Variants in SHMT2 observed in about 807,000 individuals in gnomAD.
The protein encoded by SHMT2 is serine hydroxymethyltransferase 2, also known as serine hydroxymethyltransferase, mitochondrial.
A neutral mutation model predicts 59.6 loss-of-function variants in SHMT2; 38 were observed. The ratio of observed to expected loss-of-function variants is 0.64; its 90% confidence interval spans 0.49 to 0.84. The LOEUF (loss-of-function observed/expected upper bound fraction) is 0.84, where lower values mean the gene tolerates loss of function less well. Among genes scored for constraint, SHMT2 ranks in the 40% least tolerant of loss-of-function variants. The probability of loss-of-function intolerance (pLI) is 0.00; values close to 1 mark genes in which losing one functional copy is unlikely to be tolerated. For missense variants in SHMT2, 533 were observed against 659.5 expected, an observed-to-expected ratio of 0.81 and a Z score of 2.10; for synonymous variants, 254 against 258.1, an observed-to-expected ratio of 0.98 and a Z score of 0.15.
chr12:57,232,593 G>A lies in SHMT2; in HGVS notation c.717+18G>A, dbSNP rs1239036230. ...TGAGAGAGGTTGGTGGGGGGGGCTG[G>A]AGACTGGGCACCTCCCCAGGGGGTG... On this transcript the variant is annotated intron_variant, in intron 6 of 11. Coordinates refer to ENST00000328923, the MANE Select transcript of SHMT2 (RefSeq NM_005412.6). The A allele has an allele frequency of 3.1e-6, 5 of 1,613,888 alleles. No individual in the cohort carries two copies. The Admixed American group carries it at 6.7e-5, about 22-fold the overall frequency.
At chr12:57,231,038 T>C (rs1441191089) in intron 2 of SHMT2, 38 bp downstream of exon 2, 7 of 1,591,754 alleles carry the variant, frequency 4.4e-6, no homozygotes, top group East Asian at 4.5e-5. Context: ...TGGGCCACCA[T>C]GGGTACAGGA....
At chr12:57,231,428 G>A (rs1273965967) in intron 2 of SHMT2, 53 bp from the exon 3 acceptor site, 2 of 1,569,316 alleles carry the variant, frequency 1.3e-6, no homozygotes, top group Non-Finnish European at 1.7e-6. Flanking sequence ...GGGACTGTGG[G>A]AGTCCAGGGG....
chr12:57,234,036 A>G lies in SHMT2; in HGVS notation c.1313A>G (p.Glu438Gly). Residue 438 changes from glutamate (E) to glycine (G), a missense_variant, in exon 11 of 12, where the codon GAG (glutamate) becomes GGG (glycine). Glu to Gly is a moderately conservative substitution (Grantham distance 98, BLOSUM62 -2). Transcript: ENST00000328923. ...APALTSRQFR[E>G]DDFRRVVDFI... is the part of the protein sequence containing the mutation. ...GCCTTAACTTCTCGACAGTTCCGTG[A>G]GGATGACTTCCGGAGAGTTGTGGAC... 6.2e-7 allele frequency: 1 copy of G among 1,614,204 alleles called. No homozygotes were observed. Among genetic ancestry groups the G allele is most frequent in the Non-Finnish European group, 8.5e-7 (1 of 1,180,030 alleles).
In SHMT2 at chr12:57,230,977, G is replaced by T. The variant is rs1169963526; in HGVS notation, c.208G>T (p.Gly70Cys). The part of the protein sequence containing the change: ...LQREKDRQCR[G>C]LELIASENFC... ...GAGGGAGAAGGACAGGCAGTGTCGT[G>T]GCCTGGAGCTCATTGCCTCAGAGGT... The change falls in exon 2 of 12, where the codon GGC (glycine) becomes TGC (cysteine). Residue 70 changes from glycine to cysteine, a missense_variant. Coordinates refer to ENST00000328923, the MANE Select transcript of SHMT2 (RefSeq NM_005412.6). 1 of 1,613,518 alleles carries T rather than the reference G, an allele frequency of 6.2e-7. No homozygotes were observed. Among genetic ancestry groups the T allele is most frequent in the Non-Finnish European group, 8.5e-7 (1 of 1,180,028 alleles).
intron 3 of SHMT2, 33 bp from the exon 4 acceptor site, chr12:57,231,680 C>T (rs1157136816): frequency 6.2e-7 from 1 of 1,613,062 alleles, no homozygotes; most frequent in Non-Finnish European, 8.5e-7. Context: ...AGAGTCCTTT[C>T]TCTGTGCCCT....
chr12:57,234,134 G>C, intron 11 of SHMT2, 24 bp downstream of exon 11: 3 of 1,613,792 alleles, frequency 1.9e-6, no homozygotes, highest in Non-Finnish European at 2.5e-6. Flanking sequence ...AAGGAGCCCC[G>C]GGCCAGCCAG....
chr12:57,232,339 T>C (rs747887065), intron 5 of SHMT2, 47 bp downstream of exon 5: 1 of 1,612,312 alleles, frequency 6.2e-7, no homozygotes, highest in South Asian at 1.1e-5. Context: ...CTGGTGGTGG[T>C]CCTCCCCTGG....
chr12:57,233,411 G>T, intron 8 of SHMT2, 66 bp downstream of exon 8: 1 of 1,518,092 alleles, frequency 6.6e-7, no homozygotes, highest in Non-Finnish European at 8.9e-7. Context: ...CCTGCACCTT[G>T]CTAACTGATG....
At chr12:57,232,090 A>G in intron 4 of SHMT2, 121 bp from the exon 5 acceptor site, 3 of 1,138,446 alleles carry the variant, frequency 2.6e-6, no homozygotes, top group Non-Finnish European at 4.0e-6. Flanking sequence ...GAGTGGACAG[A>G]GCAGTGAGGC....
chr12:57,230,406 C>T (rs1047330387), intron 1 of SHMT2: 38 of 1,150,118 alleles, frequency 3.3e-5, no homozygotes, highest in Non-Finnish European at 4.0e-5. Context: ...TCTGCCTCTT[C>T]CCCCGCTGAC....
At chr12:57,232,376 C>G in intron 5 of SHMT2, 77 bp from the exon 6 acceptor site, 1 of 1,613,190 alleles carries the variant, frequency 6.2e-7, no homozygotes. Context: ...GAGCGCCGGG[C>G]CGTCCTTAGG....
intron 10 of SHMT2, 34 bp downstream of exon 10, chr12:57,233,938 C>T: frequency 6.2e-7 from 1 of 1,614,108 alleles, no homozygotes; most frequent in African/African-American, 1.3e-5. Context: ...GAAGGGGCTC[C>T]CATGCTGGAT....
At chr12:57,231,062 T>A in intron 2 of SHMT2, 62 bp downstream of exon 2, 2 of 1,497,070 alleles carry the variant, frequency 1.3e-6, no homozygotes, top group Admixed American at 1.7e-5. Context: ...AACAAAGTTA[T>A]CTTAACTGAT....
At chr12:57,231,146 A>T (rs1224517192) in intron 2 of SHMT2, 146 bp downstream of exon 2, 14 of 823,174 alleles carry the variant, frequency 1.7e-5, no homozygotes. Context: ...TCCCTCAAGC[A>T]AAGGCAGTGC....
chr12:57,229,917 G>T, intron 1 of SHMT2, 106 bp downstream of exon 1: 2 of 1,536,548 alleles, frequency 1.3e-6, no homozygotes, highest in South Asian at 1.2e-5. Context: ...TTCCATGCAC[G>T]TGGATTGGGG....
At chr12:57,231,137 C>T in intron 2 of SHMT2, 137 bp downstream of exon 2, 1 of 878,408 alleles carries the variant, frequency 1.1e-6, no homozygotes, top group Admixed American at 2.3e-5. Context: ...TTTCTTATCT[C>T]CCTCAAGCAA....
rs758393060 is a variant in SHMT2, at chr12:57,231,665, GGT to G, written c.312-47_312-46del. The G allele has an allele frequency of 4.3e-6, 7 of 1,612,426 alleles. No homozygotes were observed. The South Asian group carries it at 5.5e-5, about 13-fold the overall frequency. On this transcript the variant is annotated intron_variant, in intron 3 of 11. Transcript: ENST00000328923. ...GTGAACTTCCCAGTCCTTTGCTGAT[GGT>G]TGAGAGTCCTTTCTCTGTGCCCTCA...
At chr12:57,230,197 T>G (rs770883949) in intron 1 of SHMT2, 214 of 1,281,966 alleles carry the variant, frequency 1.7e-4, no homozygotes, top group Non-Finnish European at 2.1e-4. Context: ...ACTGCTTGCA[T>G]CAGGCAGGGG....
intron 8 of SHMT2, 74 bp from the exon 9 acceptor site, chr12:57,233,489 G>A (rs2037414235): frequency 2.0e-6 from 3 of 1,529,922 alleles, no homozygotes; most frequent in Admixed American, 1.9e-5. Flanking sequence ...GCTATGCTGA[G>A]GGTGCAGGGC....
Sources: allele counts gnomAD v4.1 joint callset, GRCh38; gene constraint gnomAD v4.1.1; transcripts MANE v1.5; gene names NCBI Gene and HGNC (gene_info 2026-07-23, HGNC 2026-07-21).